EXOC4: variants seen among roughly 807,000 people sequenced by gnomAD.
The protein encoded by EXOC4 is SEC8-like 1.
Under a neutral mutation model 107.2 loss-of-function variants are expected in EXOC4, and 71 were observed. That is an observed-to-expected ratio of 0.66 (90% CI 0.55 to 0.81). EXOC4 has a LOEUF of 0.81. EXOC4 is among the 30% of genes least tolerant of loss of function. EXOC4 has a pLI of 0.00. For synonymous variants in EXOC4, 456 were observed against 441.2 expected, an observed-to-expected ratio of 1.03 and a Z score of -0.42; for missense variants, 1,108 against 1,189.6, an observed-to-expected ratio of 0.93 and a Z score of 1.01.
intron 11 of EXOC4, among the ~76,000 whole-genome samples, chr7:133,835,316 T>G (rs1221165208): frequency 6.6e-6 from 1 of 152,204 alleles, no homozygotes; most frequent in Non-Finnish European, 1.5e-5. Context: ...TCTGACAACA[T>G]GTGCCCAAGG....
At chr7:133,391,997 A>C (rs890334971) in intron 7 of EXOC4, among the ~76,000 whole-genome samples, 1 of 152,240 alleles carries the variant, frequency 6.6e-6, no homozygotes, top group Non-Finnish European at 1.5e-5. Context: ...TACTTTCCGC[A>C]GTAGTATAGG....
intron 5 of EXOC4, among the ~76,000 whole-genome samples, chr7:133,354,247 A>G (rs1359136865): frequency 6.6e-6 from 1 of 151,938 alleles, no homozygotes; most frequent in Non-Finnish European, 1.5e-5. Flanking sequence ...ATTTGAGTTT[A>G]ATGATGTGGT....
At chr7:133,476,012 A>G (rs1053081620) in intron 8 of EXOC4, among the ~76,000 whole-genome samples, 3 of 152,120 alleles carry the variant, frequency 2.0e-5, no homozygotes, top group Non-Finnish European at 2.9e-5. Context: ...AATAATATTG[A>G]TAATAACTTC....
intron 10 of EXOC4, among the ~76,000 whole-genome samples, chr7:133,644,153 T>C (rs1018704330): frequency 6.6e-6 from 1 of 152,204 alleles, no homozygotes; most frequent in Non-Finnish European, 1.5e-5. Flanking sequence ...GACCTAGAAG[T>C]TTTCTGCTTA....
At chr7:133,980,903 C>T (rs2116915375) in intron 14 of EXOC4, among the ~76,000 whole-genome samples, 1 of 152,232 alleles carries the variant, frequency 6.6e-6, no homozygotes, top group African/African-American at 2.4e-5. Context: ...ATATTATTAA[C>T]CTTCACAAAG....
chr7:133,727,119 A>G (rs1443347225), intron 10 of EXOC4, among the ~76,000 whole-genome samples: 3 of 152,184 alleles, frequency 2.0e-5, no homozygotes, highest in Non-Finnish European at 4.4e-5. Flanking sequence ...TTTTTAATAG[A>G]TTGTCAATCT....
intron 1 of EXOC4, 106 bp downstream of exon 1, chr7:133,253,293 C>T: frequency 7.1e-7 from 1 of 1,413,522 alleles, no homozygotes; most frequent in Non-Finnish European, 9.4e-7. Flanking sequence ...CCCCTTTCCT[C>T]CTTGCCTCCC....
intron 11 of EXOC4, among the ~76,000 whole-genome samples, chr7:133,866,420 A>AG (rs895149853): frequency 2.6e-5 from 4 of 152,122 alleles, no homozygotes; most frequent in African/African-American, 9.7e-5. Flanking sequence ...ACTAAGGAAT[A>AG]GGGGCACAGG....
chr7:133,858,170 T>C (rs184132464), intron 11 of EXOC4, among the ~76,000 whole-genome samples: 47 of 152,228 alleles, frequency 3.1e-4, no homozygotes, highest in Middle Eastern at 3.4e-3. Flanking sequence ...TTCGGTGTGT[T>C]CTGAATTCTT....
At chr7:133,880,950 T>C (rs1798953313) in intron 11 of EXOC4, among the ~76,000 whole-genome samples, 1 of 152,230 alleles carries the variant, frequency 6.6e-6, no homozygotes, top group Non-Finnish European at 1.5e-5. Context: ...ATATTTTTTC[T>C]TTAAGCCTGT....
chr7:133,995,074 A>G (rs538614530), intron 14 of EXOC4, among the ~76,000 whole-genome samples: 2 of 152,318 alleles, frequency 1.3e-5, no homozygotes, highest in East Asian at 3.9e-4. Context: ...GATTATGGTC[A>G]AGTGAAATGT....
chr7:133,699,902 A>C (rs1794620030), intron 10 of EXOC4, among the ~76,000 whole-genome samples: 1 of 152,240 alleles, frequency 6.6e-6, no homozygotes, highest in Admixed American at 6.5e-5. Context: ...ACATTATATA[A>C]TTGTGACATA....
intron 5 of EXOC4, among the ~76,000 whole-genome samples, chr7:133,346,505 A>C (rs1365794543): frequency 3.3e-5 from 5 of 152,072 alleles, no homozygotes. Flanking sequence ...TAAGAGTGTG[A>C]ATTTATAGTG....
chr7:134,009,989 T>C (rs1012439220), intron 17 of EXOC4: 1 of 152,154 alleles, frequency 6.6e-6, no homozygotes, highest in African/African-American at 2.4e-5. Flanking sequence ...TGGTGAATTG[T>C]GTCCCAGGAA....
chr7:133,840,225 G>A (rs1205340679), intron 11 of EXOC4, among the ~76,000 whole-genome samples: 1 of 152,190 alleles, frequency 6.6e-6, no homozygotes, highest in East Asian at 1.9e-4. Flanking sequence ...GTGAATGGAT[G>A]TACTGCATGT....
At chr7:133,371,465 T>C (rs1172616338) in intron 6 of EXOC4, among the ~76,000 whole-genome samples, 1 of 152,080 alleles carries the variant, frequency 6.6e-6, no homozygotes, top group Admixed American at 6.6e-5. Flanking sequence ...CTATCCTGAA[T>C]ATTTTATATA....
intron 11 of EXOC4, among the ~76,000 whole-genome samples, chr7:133,865,381 A>G (rs1798615343): frequency 6.6e-6 from 1 of 152,220 alleles, no homozygotes; most frequent in Non-Finnish European, 1.5e-5. Flanking sequence ...GCGTATGCCA[A>G]CAGTTCTTTT....
intron 11 of EXOC4, among the ~76,000 whole-genome samples, chr7:133,852,443 C>T (rs1412239322): frequency 2.0e-5 from 3 of 152,132 alleles, no homozygotes; most frequent in African/African-American, 7.2e-5. Context: ...GACCTTTTCT[C>T]AGGATAGCTT....
At position 133,748,776 on chromosome 7, in the gene EXOC4, C is replaced by T. The variant is rs750872748; in HGVS notation, c.1515-68549C>T. ...AGATAAGGGACTTGTCACCTGGTCA[C>T]GTCAGCAACTCTCTCACTAGCATAA... On this transcript the variant is annotated intron_variant, in intron 10 of 17. Coordinates refer to ENST00000253861, the MANE Select transcript of EXOC4 (RefSeq NM_021807.4). Among the ~76,000 whole-genome samples the T allele has an allele frequency of 3.9e-5, 6 of 152,264 alleles. No homozygotes were observed. The South Asian group carries it at 1.2e-3, about 32-fold the overall frequency.
Sources: allele counts gnomAD v4.1 joint callset (sites outside exome capture counted in the v4.1 genomes callset), GRCh38; gene constraint gnomAD v4.1.1; transcripts MANE v1.5; gene names NCBI Gene and HGNC (gene_info 2026-07-23, HGNC 2026-07-21).